Variants in CNTNAP5 observed in about 807,000 individuals in gnomAD.
The protein encoded by CNTNAP5 is contactin-associated protein-like 5.
Under a neutral mutation model 150.2 loss-of-function variants are expected in CNTNAP5, and 72 were observed. The observed-to-expected ratio is 0.48, with a 90% CI of 0.40 to 0.58. The LOEUF (loss-of-function observed/expected upper bound fraction) is 0.58. Among genes scored for constraint, CNTNAP5 ranks in the 20% least tolerant of loss-of-function variants. CNTNAP5 has a pLI of 0.00. For synonymous variants in CNTNAP5, 672 were observed against 619.8 expected (o/e 1.08, Z -1.25); for missense variants, 1,636 against 1,626.2 (o/e 1.01, Z -0.10).
intron 1 of CNTNAP5, among the ~76,000 whole-genome samples, chr2:124,171,230 C>T (rs1236456012): frequency 2.0e-5 from 3 of 152,184 alleles, no homozygotes; most frequent in Admixed American, 1.3e-4. Flanking sequence ...TTTCTCTGTT[C>T]ACTGGCCGGA....
At chr2:124,345,422 G>C (rs1689714141) in intron 3 of CNTNAP5, among the ~76,000 whole-genome samples, 1 of 152,136 alleles carries the variant, frequency 6.6e-6, no homozygotes, top group South Asian at 2.1e-4. Context: ...ATCACAGCAA[G>C]CTCATTATCA....
intron 14 of CNTNAP5, among the ~76,000 whole-genome samples, chr2:124,758,421 A>G (rs1211208824): frequency 6.6e-6 from 1 of 152,002 alleles, no homozygotes; most frequent in African/African-American, 2.4e-5. Context: ...ATAAATATAT[A>G]TTCATGAAGG....
At chr2:124,228,657 T>G (rs969339312) in intron 2 of CNTNAP5, among the ~76,000 whole-genome samples, 1 of 152,138 alleles carries the variant, frequency 6.6e-6, no homozygotes, top group Non-Finnish European at 1.5e-5. Context: ...AGGAGGATAC[T>G]GAAAGATCAT....
intron 3 of CNTNAP5, among the ~76,000 whole-genome samples, chr2:124,370,626 C>A (rs72964701): frequency 0.093 from 14,109 of 152,056 alleles, 849 homozygotes; most frequent in African/African-American, 0.17. Flanking sequence ...ATAATGAATA[C>A]GAAGTACAAA....
chr2:124,836,583 T>G (rs1682834202), intron 19 of CNTNAP5, among the ~76,000 whole-genome samples: 3 of 152,084 alleles, frequency 2.0e-5, no homozygotes, highest in Admixed American at 2.0e-4. Flanking sequence ...CAAGAAAGCA[T>G]AGTAACCTCC....
At chr2:124,764,483 G>A (rs1451000385) in intron 16 of CNTNAP5, among the ~76,000 whole-genome samples, 2 of 152,120 alleles carry the variant, frequency 1.3e-5, no homozygotes, top group East Asian at 3.9e-4. Context: ...CTGAAAAGAG[G>A]ATTATTATGC....
At chr2:124,760,740 A>T (rs1478400833) in intron 14 of CNTNAP5, among the ~76,000 whole-genome samples, 3 of 151,838 alleles carry the variant, frequency 2.0e-5, no homozygotes, top group African/African-American at 7.3e-5. Flanking sequence ...TTCTCCTTTT[A>T]TATATTGTTT....
intron 6 of CNTNAP5, among the ~76,000 whole-genome samples, chr2:124,461,982 AAAAAT>A (rs1292126834): frequency 3.9e-5 from 6 of 152,202 alleles, no homozygotes; most frequent in Admixed American, 1.3e-4. Context: ...AAAATAAAAT[AAAAAT>A]AAAATAAAGA....
chr2:124,527,437 C>CT lies in CNTNAP5; in HGVS notation c.1631dup (p.Cys545ValfsTer2), dbSNP rs996211768. 9.9e-6 allele frequency: 16 copies of CT among 1,613,008 alleles called. No homozygotes were observed. In the Admixed American group the frequency reaches 2.0e-4, roughly 20 times the overall value. On this transcript the variant is annotated frameshift_variant, in exon 10 of 24. Transcript: ENST00000682447. LOFTEE classifies it high-confidence loss of function. ...GAATTTTAGTGATTTACACATTGAT[C>CT]TGTGTAGCATCAAAGACAGGTAATT...
At chr2:124,363,513 TA>T (rs1690276321) in intron 3 of CNTNAP5, among the ~76,000 whole-genome samples, 1 of 152,218 alleles carries the variant, frequency 6.6e-6, no homozygotes, top group Non-Finnish European at 1.5e-5. Flanking sequence ...ATCTTAGAAA[TA>T]TTACTTTTTT....
At chr2:124,779,621 G>T (rs1162611533) in intron 17 of CNTNAP5, among the ~76,000 whole-genome samples, 2 of 152,032 alleles carry the variant, frequency 1.3e-5, no homozygotes, top group African/African-American at 4.8e-5. Flanking sequence ...ATAAAATAAT[G>T]CCTCTTCCTC....
In CNTNAP5 at chr2:124,917,560, A is replaced by C. The variant is rs894687657; in HGVS notation, c.*3272A>C. Among the ~76,000 whole-genome samples, 3 of 152,104 alleles carry C rather than the reference A, an allele frequency of 2.0e-5. No individual in the cohort carries two copies. Among genetic ancestry groups the C allele is most frequent in the African/African-American group, 7.2e-5 (3 of 41,444 alleles). ...TTAAGGATCCTAGCGGTGATGTTTTAAAACAACTTTTTTCCTCTCCTTAGT... is the reference window on the plus strand; with the variant it reads ...TTAAGGATCCTAGCGGTGATGTTTTCAAACAACTTTTTTCCTCTCCTTAGT... On this transcript the variant is annotated 3_prime_UTR_variant, in exon 24 of 24. Coordinates refer to ENST00000682447, the MANE Select transcript of CNTNAP5 (RefSeq NM_001367498.1).
At chr2:124,488,240 G>A (rs1467613613) in intron 7 of CNTNAP5, among the ~76,000 whole-genome samples, 1 of 152,138 alleles carries the variant, frequency 6.6e-6, no homozygotes, top group Non-Finnish European at 1.5e-5. Flanking sequence ...GTAATTTTGT[G>A]TAATTCCTTT....
chr2:124,243,045 C>A (rs1306129216), intron 3 of CNTNAP5, among the ~76,000 whole-genome samples: 1 of 152,154 alleles, frequency 6.6e-6, no homozygotes, highest in Non-Finnish European at 1.5e-5. Context: ...CCAGTCCCAG[C>A]CCCACACTCT....
At chr2:124,227,858 C>T (rs987568206) in intron 2 of CNTNAP5, among the ~76,000 whole-genome samples, 2 of 151,566 alleles carry the variant, frequency 1.3e-5, no homozygotes, top group Admixed American at 1.3e-4. Flanking sequence ...TCAAGATTCT[C>T]CAGAGAAACA....
chr2:124,909,988 T>G (rs560021692), intron 22 of CNTNAP5, among the ~76,000 whole-genome samples: 11 of 151,660 alleles, frequency 7.3e-5, no homozygotes, highest in Non-Finnish European at 1.6e-4. Context: ...TCTGAATACC[T>G]GCTCCATGGC....
chr2:124,251,843 A>C (rs1006797544), intron 3 of CNTNAP5, among the ~76,000 whole-genome samples: 1 of 152,160 alleles, frequency 6.6e-6, no homozygotes. Context: ...TGAAACAATA[A>C]TTGAGAGCTA....
intron 6 of CNTNAP5, among the ~76,000 whole-genome samples, chr2:124,450,806 TC>T (rs1250357563): frequency 6.6e-6 from 1 of 151,378 alleles, no homozygotes; most frequent in Non-Finnish European, 1.5e-5. Flanking sequence ...TCAAAAGTGC[TC>T]AGTAATCTTG....
chr2:124,113,195 T>G (rs942296148), intron 1 of CNTNAP5, among the ~76,000 whole-genome samples: 3 of 152,102 alleles, frequency 2.0e-5, no homozygotes, highest in Admixed American at 6.6e-5. Flanking sequence ...ACAGCATGAT[T>G]CATAGTAGCT....
Sources: gnomAD v4.1 joint callset for allele counts (sites outside exome capture counted in the v4.1 genomes callset) on GRCh38, gnomAD v4.1.1 for gene constraint, MANE v1.5 for transcripts, NCBI Gene and HGNC (gene_info 2026-07-23, HGNC 2026-07-21) for gene names.